Variants in MYOM3 observed in about 807,000 individuals in gnomAD.
MYOM3 encodes the protein myomesin-3.
Under a neutral mutation model 191.7 loss-of-function variants are expected in MYOM3, and 155 were observed. The observed-to-expected ratio is 0.81, with a 90% CI of 0.71 to 0.92. The LOEUF is 0.92. MYOM3 is among the 40% of genes least tolerant of loss of function. The pLI is 0.00. For missense variants in MYOM3, 1,889 were observed against 1,890.6 expected (o/e 1.00, Z 0.02); for synonymous variants, 757 against 762.9 (o/e 0.99, Z 0.13).
chr1:24,058,985 A>G lies in MYOM3; in HGVS notation c.3995-6T>C, dbSNP rs756035771. ...TCTCACCACTTTGGCACGATCTGGA[A>G]GGGAAATAAGAGACCCCAGCGATGA... On this transcript the variant is annotated splice_region_variant and splice_polypyrimidine_tract_variant and intron_variant, in intron 35 of 36. Transcript: ENST00000374434. The G allele has an allele frequency of 1.9e-6, 3 of 1,609,124 alleles. No individual in the cohort carries two copies. Among genetic ancestry groups the G allele is most frequent in the Non-Finnish European group, 2.5e-6 (3 of 1,176,916 alleles).
intron 3 of MYOM3, 135 bp downstream of exon 3, chr1:24,107,858 T>C (rs1389594263): frequency 8.1e-6 from 6 of 744,968 alleles, no homozygotes; most frequent in African/African-American, 1.8e-5. Flanking sequence ...TAAACTCCTG[T>C]CTAGACCCTT....
intron 20 of MYOM3, among the ~76,000 whole-genome samples, chr1:24,077,174 C>T (rs751916043): frequency 6.6e-6 from 1 of 152,160 alleles, no homozygotes; most frequent in African/African-American, 2.4e-5. Flanking sequence ...CGTCCACGGT[C>T]GTGATTGAGG....
chr1:24,063,444 T>C lies in MYOM3; in HGVS notation c.3661+48A>G, dbSNP rs776142520. ...CCAGTGTTAGGCTGCTTGGAGGCTG[T>C]TGGGCATCAGGGCAGGGCAGGGCTG... On this transcript the variant is annotated intron_variant, in intron 31 of 36. Transcript: ENST00000374434. The surrounding 1 kb of genome is among the most constrained non-coding windows in gnomAD (Gnocchi z 4.5). 3 of 1,611,734 alleles carry C rather than the reference T, an allele frequency of 1.9e-6. No homozygotes were observed. Among genetic ancestry groups the C allele is most frequent in the Admixed American group, 3.3e-5 (2 of 60,028 alleles).
chr1:24,096,320 G>C (rs575036694), intron 7 of MYOM3, among the ~76,000 whole-genome samples: 3 of 152,348 alleles, frequency 2.0e-5, no homozygotes, highest in Admixed American at 2.0e-4. Flanking sequence ...GGGTGGTAGT[G>C]GCGGTGAGTG....
At chr1:24,107,367 C>T in intron 3 of MYOM3, 135 bp from the exon 4 acceptor site, 2 of 755,600 alleles carry the variant, frequency 2.6e-6, no homozygotes, top group Non-Finnish European at 4.1e-6. Context: ...TTTGCATCTT[C>T]CCTTGCCTCC....
chr1:24,063,226 C>T lies in MYOM3; in HGVS notation c.3670G>A (p.Ala1224Thr), dbSNP rs1643393552. ...TELGRIGALS[A>T]TPLKIQGTEE... is the part of the protein sequence containing the mutation. ...GTCCCCTGGATTTTCAGTGGAGTTG[C>T]AGAGAGGGCTGGGGAGACAGAGGAG... Residue 1224 changes from alanine (A) to threonine (T), a missense_variant, in exon 32 of 37, where the codon GCA (alanine) becomes ACA (threonine). By Grantham distance (58) the Ala-to-Thr change is moderately conservative. Transcript: ENST00000374434. This position sits in a 1 kb window ranked among gnomAD's most constrained non-coding sequence, Gnocchi z 4.5. 5 of 1,613,662 alleles carry T rather than the reference C, an allele frequency of 3.1e-6. No individual in the cohort carries two copies. In the South Asian group the frequency reaches 4.4e-5, roughly 14 times the overall value.
Position 24,074,242 on chromosome 1 carries a change from G to C in MYOM3, c.2886C>G (p.Gly962=). 1 of 1,614,068 alleles carries C rather than the reference G, an allele frequency of 6.2e-7. No individual in the cohort carries two copies. The highest frequency in any genetic ancestry group is 8.5e-7 in the Non-Finnish European group (1 of 1,179,962). The change falls in exon 23 of 37, where the codon GGC becomes GGG. Residue 962 remains glycine (G), a synonymous_variant. Transcript: ENST00000374434. ...NKSKVILKEP[G]LEDLGTYSVI... ...CTGAGTAGGTGCCCAAATCCTCGAG[G>C]CCGGGTTCTTTCAGGATGACCTTGG...
In MYOM3 at chr1:24,065,999, C is replaced by T; in HGVS notation, c.3426G>A (p.Val1142=). The T allele has an allele frequency of 1.2e-6, 2 of 1,607,652 alleles. No homozygotes were observed. The highest frequency in any genetic ancestry group is 1.7e-6 in the Non-Finnish European group (2 of 1,174,070). The change falls in exon 29 of 37, where the codon GTG becomes GTA. Residue 1142 remains valine, a splice_region_variant and synonymous_variant. Transcript: ENST00000374434. Reference sequence around the variant, plus strand: ...AGCGAGTCTCCTTCTTGGTGTTGGTCACCTGGGGAAGGTGGGGAATGAGGA... The same window carrying T: ...AGCGAGTCTCCTTCTTGGTGTTGGTTACCTGGGGAAGGTGGGGAATGAGGA... The part of the protein sequence containing the change: ...EDCQVQLTCK[V]TNTKKETRFQ...
intron 35 of MYOM3, among the ~76,000 whole-genome samples, chr1:24,059,648 A>G (rs1023987795): frequency 6.6e-6 from 1 of 152,248 alleles, no homozygotes; most frequent in Admixed American, 6.5e-5. Flanking sequence ...AACGGGTGTG[A>G]CCAACAAGGT....
intron 22 of MYOM3, 102 bp downstream of exon 22, chr1:24,075,217 T>C: frequency 8.4e-7 from 1 of 1,188,188 alleles, no homozygotes; most frequent in South Asian, 1.4e-5. Context: ...TCAACCATCA[T>C]GGATGGGTCC....
At chr1:24,108,830 G>C (rs1332346245) in intron 1 of MYOM3, among the ~76,000 whole-genome samples, 176 bp from the exon 2 acceptor site, 2 of 152,198 alleles carry the variant, frequency 1.3e-5, no homozygotes, top group African/African-American at 4.8e-5. Flanking sequence ...AGGTGACAGA[G>C]GCAGGCCTTG....
Position 24,086,602 on chromosome 1 carries a change from C to T in MYOM3, c.1798+42G>A, listed in dbSNP as rs1399129160. The T allele has an allele frequency of 1.3e-6, 2 of 1,592,544 alleles. 1 individual carries two copies. Among genetic ancestry groups the T allele is most frequent in the South Asian group, 2.3e-5 (2 of 87,862 alleles). On this transcript the variant is annotated intron_variant, in intron 15 of 36. Coordinates refer to ENST00000374434, the MANE Select transcript of MYOM3 (RefSeq NM_152372.4). ...CTGCAGCTTCAGGTCCTGAGCCTGG[C>T]CTGGCCTGCCTCCTCCCCGACCCCC...
chr1:24,085,171 T>C (rs967144860), intron 15 of MYOM3, among the ~76,000 whole-genome samples: 12 of 151,872 alleles, frequency 7.9e-5, no homozygotes, highest in East Asian at 5.8e-4. Context: ...GGTGGATACA[T>C]GGATGAATAA....
intron 15 of MYOM3, among the ~76,000 whole-genome samples, 159 bp from the exon 16 acceptor site, chr1:24,084,798 G>A (rs532632924): frequency 6.6e-6 from 1 of 152,182 alleles, no homozygotes; most frequent in African/African-American, 2.4e-5. Flanking sequence ...CTCTTCCCTA[G>A]GCCCAGAAGT....
Position 24,068,264 on chromosome 1 carries a change from C to A in MYOM3, c.3254G>T (p.Gly1085Val), listed in dbSNP as rs186594605. 6.2e-7 allele frequency: 1 copy of A among 1,614,182 alleles called. No individual in the cohort carries two copies. Among genetic ancestry groups the A allele is most frequent in the East Asian group, 2.2e-5 (1 of 44,880 alleles). Reference protein sequence around the residue: ...KGSYTAQLQDGKAKNQITLTL... With the variant: ...KGSYTAQLQDVKAKNQITLTL... ...CAAGGTAATCTGGTTTTTGGCTTTT[C>A]CATCTTGGAGTTGAGCGGTGTACGA... Residue 1085 changes from glycine to valine, a missense_variant, in exon 26 of 37, where the codon GGA (glycine) becomes GTA (valine). Transcript: ENST00000374434.
At chr1:24,097,024 G>A (rs1004975668) in intron 7 of MYOM3, among the ~76,000 whole-genome samples, 1 of 152,230 alleles carries the variant, frequency 6.6e-6, no homozygotes, top group African/African-American at 2.4e-5. Flanking sequence ...GTTGGCAGCA[G>A]AGCCAGGATG....
At chr1:24,068,143 G>T (rs996303971) in intron 26 of MYOM3, 80 bp downstream of exon 26, 4 of 1,412,030 alleles carry the variant, frequency 2.8e-6, no homozygotes, top group African/African-American at 2.9e-5. Context: ...CAGAGCCGAG[G>T]ACTCAGGGCT....
At position 24,094,932 on chromosome 1, in the gene MYOM3, A is replaced by G. The variant is rs2148557412; in HGVS notation, c.849T>C (p.Arg283=). 1.2e-6 allele frequency: 2 copies of G among 1,613,842 alleles called. No individual in the cohort carries two copies. Among genetic ancestry groups the G allele is most frequent in the East Asian group, 4.5e-5 (2 of 44,880 alleles). Residue 283 remains arginine, a synonymous_variant, in exon 9 of 37, where the codon CGT becomes CGC. Coordinates refer to ENST00000374434, the MANE Select transcript of MYOM3 (RefSeq NM_152372.4). ...FTSVLKPVFA[R]EKEPFSLSCL... ...ATGACAGGGAGAAGGGTTCCTTCTC[A>G]CGAGCAAAGACTGGCTTCAGCACCG... is the stretch of plus-strand genomic sequence containing the variant.
At chr1:24,064,247 T>TCCG in intron 29 of MYOM3, 88 bp from the exon 30 acceptor site, 1 of 952,808 alleles carries the variant, frequency 1.0e-6, no homozygotes, top group Non-Finnish European at 1.6e-6. Flanking sequence ...GCTCCAGGCC[T>TCCG]GCCCCTCACT....
Sources: allele counts gnomAD v4.1 joint callset (sites outside exome capture counted in the v4.1 genomes callset), GRCh38; gene constraint gnomAD v4.1.1; non-coding constraint Gnocchi (gnomAD v3.1); transcripts MANE v1.5; gene names NCBI Gene and HGNC (gene_info 2026-07-23, HGNC 2026-07-21).